Variants in POLK observed in about 807,000 individuals in gnomAD.
The protein encoded by POLK is DNA polymerase kappa, also known as polymerase (DNA directed) kappa.
In POLK, 76 loss-of-function variants were observed where a neutral mutation model predicts 94.0. The ratio of observed to expected loss-of-function variants is 0.81; its 90% CI spans 0.67 to 0.98. POLK has a LOEUF of 0.98. POLK is among the 50% of genes least tolerant of loss of function. The probability of loss-of-function intolerance (pLI) is 0.00; values close to 1 mark genes in which losing one functional copy is unlikely to be tolerated. For synonymous variants in POLK, 349 were observed against 325.4 expected (o/e 1.07, Z -0.78); for missense variants, 954 against 1,010.1 (o/e 0.94, Z 0.75).
chr5:75,589,396 CACACACA>C (rs1156475169), intron 10 of POLK, among the ~76,000 whole-genome samples: 3 of 123,372 alleles, frequency 2.4e-5, no homozygotes, highest in African/African-American at 8.7e-5. Context: ...CATACACACA[CACACACA>C]CACACACACA....
chr5:75,530,738 T>G (rs1222308260), intron 1 of POLK, among the ~76,000 whole-genome samples: 1 of 151,944 alleles, frequency 6.6e-6, no homozygotes, highest in Non-Finnish European at 1.5e-5. Context: ...AACACACATT[T>G]AATAATTAAC....
At chr5:75,581,182 T>A (rs758897583) in intron 6 of POLK, 27 bp from the exon 7 acceptor site, 3 of 1,496,494 alleles carry the variant, frequency 2.0e-6, no homozygotes, top group Non-Finnish European at 1.9e-6. Flanking sequence ...AAAATAAAGG[T>A]GAGTTATTTT....
chr5:75,593,612 G>T (rs1772904589), intron 11 of POLK, among the ~76,000 whole-genome samples: 1 of 152,118 alleles, frequency 6.6e-6, no homozygotes, highest in Non-Finnish European at 1.5e-5. Flanking sequence ...AACACTTTGG[G>T]AGGCCAGGAT....
At chr5:75,520,271 G>A (rs565470783) in intron 1 of POLK, among the ~76,000 whole-genome samples, 5 of 152,236 alleles carry the variant, frequency 3.3e-5, no homozygotes, top group South Asian at 4.1e-4. Flanking sequence ...CTGTAGCTAC[G>A]ATTGTTTTTA....
intron 1 of POLK, among the ~76,000 whole-genome samples, chr5:75,518,419 C>T (rs879476988): frequency 3.3e-5 from 5 of 152,046 alleles, no homozygotes; most frequent in Non-Finnish European, 7.4e-5. Flanking sequence ...AATTTGTTGG[C>T]GTATAGTTGC....
chr5:75,600,452 T>C (rs1773272264), exon 15 of POLK: 1 of 152,216 alleles, frequency 6.6e-6, no homozygotes, highest in African/African-American at 2.4e-5. Context: ...TATACATCTT[T>C]GCAGGTTATC....
intron 4 of POLK, among the ~76,000 whole-genome samples, chr5:75,571,115 TTC>T (rs1041068344): frequency 9.8e-5 from 15 of 152,296 alleles, no homozygotes; most frequent in African/African-American, 3.1e-4. Context: ...TTCCTACAAT[TTC>T]TGTCCTCCTA....
chr5:75,583,179 T>C, intron 7 of POLK, 114 bp from the exon 8 acceptor site: 2 of 661,688 alleles, frequency 3.0e-6, no homozygotes, highest in Non-Finnish European at 5.0e-6. Flanking sequence ...TAAAGTAGCA[T>C]TATATATCAT....
intron 8 of POLK, among the ~76,000 whole-genome samples, chr5:75,584,508 A>C (rs1366100173): frequency 6.6e-6 from 1 of 152,074 alleles, no homozygotes; most frequent in Non-Finnish European, 1.5e-5. Context: ...ATCTCTACTA[A>C]AAATACAAAA....
intron 1 of POLK, among the ~76,000 whole-genome samples, chr5:75,513,199 T>C (rs1008275075): frequency 3.3e-5 from 5 of 152,346 alleles, no homozygotes; most frequent in African/African-American, 1.2e-4. Context: ...TTGCTTTCTT[T>C]TACTTTCTTC....
intron 1 of POLK, chr5:75,534,925 A>T (rs1298128799): frequency 6.6e-6 from 1 of 152,156 alleles, no homozygotes; most frequent in Non-Finnish European, 1.5e-5. Flanking sequence ...TTCTTTATCC[A>T]AGTTATCATT....
At chr5:75,543,964 G>T (rs1473977458) in intron 1 of POLK, among the ~76,000 whole-genome samples, 1 of 152,042 alleles carries the variant, frequency 6.6e-6, no homozygotes, top group Non-Finnish European at 1.5e-5. Context: ...CTTCCAAGTA[G>T]CTTGGACTAC....
At chr5:75,558,370 T>A (rs76414873) in intron 3 of POLK, among the ~76,000 whole-genome samples, 1 of 152,136 alleles carries the variant, frequency 6.6e-6, no homozygotes, top group African/African-American at 2.4e-5. Flanking sequence ...TGATGTAAAG[T>A]GTGAAGTATG....
At chr5:75,596,516 A>G (rs1581110562) in exon 13 of POLK, 5 of 1,614,068 alleles carry the variant, frequency 3.1e-6, no homozygotes. Flanking sequence ...AAGATGAATG[A>G]GAATTTGGAA....
chr5:75,570,525 T>G (rs1771535417), intron 4 of POLK, among the ~76,000 whole-genome samples: 1 of 152,220 alleles, frequency 6.6e-6, no homozygotes, highest in Non-Finnish European at 1.5e-5. Context: ...AGAAAAGGTT[T>G]GCCAACCCTA....
chr5:75,595,247 A>AG, intron 12 of POLK, among the ~76,000 whole-genome samples: 3 of 133,630 alleles, frequency 2.2e-5, no homozygotes, highest in South Asian at 2.3e-4. Context: ...ACTCCACCTC[A>AG]GAAAAAAAAA....
chr5:75,539,405 T>C (rs1722898010), intron 1 of POLK, among the ~76,000 whole-genome samples: 1 of 152,222 alleles, frequency 6.6e-6, no homozygotes, highest in Admixed American at 6.5e-5. Context: ...AAACCATCTT[T>C]TAAAATTCAT....
intron 3 of POLK, among the ~76,000 whole-genome samples, chr5:75,559,632 G>T (rs1275448283): frequency 6.7e-6 from 1 of 148,668 alleles, no homozygotes; most frequent in Non-Finnish European, 1.5e-5. Context: ...CAACTACTGG[G>T]CTCAAACAGT....
rs775525619 is a variant in POLK at position 75,559,523 on chromosome 5, G to GTTTTTTTTTTT, written c.255+6949_255+6959dup. Reference sequence around the variant, plus strand: ...GGGGTTTGTTTTTTTGTTTTGTTTTGTTTTTTTTTTTTTTTTTTTTTTTTT... The same window carrying GTTTTTTTTTTT: ...GGGGTTTGTTTTTTTGTTTTGTTTTGTTTTTTTTTTTTTTTTTTTTTTTTTTTTTTTTTTTT... On this transcript the variant is annotated intron_variant, in intron 3 of 14. Coordinates refer to ENST00000241436, the Ensembl canonical transcript of POLK. 6.8e-4 allele frequency among the ~76,000 whole-genome samples: 37 copies of GTTTTTTTTTTT among 54,680 alleles called. 1 individual carries two copies. The highest frequency in any genetic ancestry group is 1.9e-3 in the Admixed American group (8 of 4,174). The allele number at this position is 54,680 out of a possible 152,430, so 35.9% of individuals were successfully genotyped here.
Sources: gnomAD v4.1 joint callset for allele counts (sites outside exome capture counted in the v4.1 genomes callset) on GRCh38, gnomAD v4.1.1 for gene constraint, MANE v1.5 for transcripts, NCBI Gene and HGNC (gene_info 2026-07-23, HGNC 2026-07-21) for gene names.